MEIS2: variants seen among roughly 807,000 people sequenced by gnomAD.
MEIS2 encodes the protein homeobox protein Meis2.
Under a neutral mutation model 58.6 loss-of-function variants are expected in MEIS2, and 9 were observed. That is an observed-to-expected ratio of 0.15 (90% CI 0.09 to 0.27). The LOEUF (loss-of-function observed/expected upper bound fraction) is 0.27, where lower values mean the gene tolerates loss of function less well. Among genes scored for constraint, MEIS2 ranks in the 10% least tolerant of loss-of-function variants. The pLI is 1.00. For synonymous variants in MEIS2, 221 were observed against 228.4 expected (o/e 0.97, Z 0.29); for missense variants, 427 against 635.0 (o/e 0.67, Z 3.52).
intron 7 of MEIS2, among the ~76,000 whole-genome samples, chr15:37,072,422 T>C (rs1321241082): frequency 2.6e-5 from 4 of 152,094 alleles, no homozygotes; most frequent in South Asian, 4.1e-4. Flanking sequence ...AACAGTGCTC[T>C]ACAGGATTAA....
At chr15:37,096,461 C>A in intron 2 of MEIS2, 31 bp from the exon 3 acceptor site, 1 of 1,605,288 alleles carries the variant, frequency 6.2e-7, no homozygotes, top group Non-Finnish European at 8.5e-7. Flanking sequence ...GAGACACACA[C>A]ACAGAGACGG....
At position 36,890,772 on chromosome 15, in the gene MEIS2, G is replaced by C. The variant is rs190403072; in HGVS notation, c.*1401C>G. On this transcript the variant is annotated 3_prime_UTR_variant, in exon 12 of 12. Coordinates refer to ENST00000561208, the MANE Select transcript of MEIS2 (RefSeq NM_170675.5). Reference sequence around the variant, plus strand: ...TTTTTAACGTCATGCATCTAAAAAGGAGGTTGAGCATGTTCAAGGGGATCT... The same window carrying C: ...TTTTTAACGTCATGCATCTAAAAAGCAGGTTGAGCATGTTCAAGGGGATCT... 6.6e-6 allele frequency: 1 copy of C among 152,262 alleles called. No homozygotes were observed. The highest frequency in any genetic ancestry group is 2.4e-5 in the African/African-American group (1 of 41,548). The allele number at this position is 152,262 out of a possible 1,614,324, so 9.4% of individuals were successfully genotyped here.
chr15:36,908,276 T>G (rs539953652), intron 9 of MEIS2, among the ~76,000 whole-genome samples: 1 of 152,344 alleles, frequency 6.6e-6, no homozygotes, highest in Admixed American at 6.5e-5. Context: ...CCCAAAATTT[T>G]CGGCATCATC....
At chr15:36,980,517 C>T (rs905878052) in intron 8 of MEIS2, among the ~76,000 whole-genome samples, 3 of 152,142 alleles carry the variant, frequency 2.0e-5, no homozygotes, top group African/African-American at 7.2e-5. Flanking sequence ...TAATAACCAT[C>T]AGATCTTGTG....
intron 8 of MEIS2, among the ~76,000 whole-genome samples, chr15:37,018,403 T>G (rs2061420177): frequency 6.6e-6 from 1 of 152,210 alleles, no homozygotes; most frequent in Non-Finnish European, 1.5e-5. Flanking sequence ...AAGACCCACA[T>G]CATCTCATCA....
chr15:36,932,106 G>C (rs1441182993), intron 9 of MEIS2, among the ~76,000 whole-genome samples: 2 of 152,064 alleles, frequency 1.3e-5, no homozygotes, highest in African/African-American at 4.8e-5. Context: ...AGAGATAAAC[G>C]TTAGGAAAAA....
chr15:36,972,801 C>G (rs962688593), intron 8 of MEIS2: 12 of 149,636 alleles, frequency 8.0e-5, no homozygotes, highest in African/African-American at 2.9e-4. Context: ...TAGAGATACA[C>G]TTTTTTTTTT....
chr15:37,101,201 G>A (rs1156993151), upstream of MEIS2: 2 of 152,154 alleles, frequency 1.3e-5, no homozygotes, highest in African/African-American at 2.4e-5. Flanking sequence ...CTCCCTCCAA[G>A]CGGTGCGGAC....
chr15:36,926,505 C>G (rs1567061663), intron 9 of MEIS2, among the ~76,000 whole-genome samples: 1 of 152,108 alleles, frequency 6.6e-6, no homozygotes, highest in Non-Finnish European at 1.5e-5. Context: ...CAGCAGGCAC[C>G]TGTTTTCCAT....
intron 8 of MEIS2, among the ~76,000 whole-genome samples, chr15:36,985,293 C>CCT (rs2060058629): frequency 1.3e-5 from 2 of 152,160 alleles, no homozygotes; most frequent in Admixed American, 6.5e-5. Context: ...TCTACAGGAT[C>CCT]AGTTCTGTTC....
intron 8 of MEIS2, among the ~76,000 whole-genome samples, chr15:36,983,864 C>A (rs778452656): frequency 3.9e-5 from 6 of 151,954 alleles, no homozygotes; most frequent in Admixed American, 2.0e-4. Flanking sequence ...CCTTTGCCTA[C>A]TTGGTTTATT....
intron 9 of MEIS2, among the ~76,000 whole-genome samples, chr15:36,902,297 C>T (rs1233503320): frequency 6.6e-6 from 1 of 152,220 alleles, no homozygotes; most frequent in Non-Finnish European, 1.5e-5. Flanking sequence ...CTGTGTTGTA[C>T]TCCTACAGGT....
intron 10 of MEIS2, among the ~76,000 whole-genome samples, chr15:36,896,411 A>C (rs2056178578): frequency 6.6e-6 from 1 of 152,174 alleles, no homozygotes; most frequent in African/African-American, 2.4e-5. Context: ...TTCAGAAAGA[A>C]AATAAAAAGC....
At chr15:37,071,953 C>G (rs1890766695) in intron 7 of MEIS2, among the ~76,000 whole-genome samples, 1 of 152,032 alleles carries the variant, frequency 6.6e-6, no homozygotes, top group Admixed American at 6.6e-5. Context: ...AAACACATGG[C>G]AGGGAAAAAG....
At chr15:37,015,148 A>C (rs2061304332) in intron 8 of MEIS2, among the ~76,000 whole-genome samples, 1 of 152,252 alleles carries the variant, frequency 6.6e-6, no homozygotes, top group Admixed American at 6.5e-5. Context: ...TACCAAAAGA[A>C]AATTCACGTA....
chr15:37,004,706 A>G (rs2060854436), intron 8 of MEIS2, among the ~76,000 whole-genome samples: 1 of 152,230 alleles, frequency 6.6e-6, no homozygotes, highest in Non-Finnish European at 1.5e-5. Flanking sequence ...TTGGTCAGAC[A>G]AAGCCCAGCA....
chr15:37,015,612 G>T (rs190524201), intron 8 of MEIS2, among the ~76,000 whole-genome samples: 157 of 152,082 alleles, frequency 1.0e-3, no homozygotes, highest in Non-Finnish European at 1.8e-3. Context: ...GGGTGGCAGG[G>T]GGAGCATCTG....
intron 7 of MEIS2, among the ~76,000 whole-genome samples, chr15:37,058,093 A>G (rs767312755): frequency 6.6e-6 from 1 of 152,106 alleles, no homozygotes; most frequent in Non-Finnish European, 1.5e-5. Context: ...TCCTACGAAG[A>G]TCATCGCTAC....
At chr15:36,912,647 A>C (rs1256942854) in intron 9 of MEIS2, among the ~76,000 whole-genome samples, 2 of 152,196 alleles carry the variant, frequency 1.3e-5, no homozygotes, top group Non-Finnish European at 2.9e-5. Flanking sequence ...CCTTGCAATG[A>C]GGCGACATCA....
Sources: allele counts gnomAD v4.1 joint callset (sites outside exome capture counted in the v4.1 genomes callset), GRCh38; gene constraint gnomAD v4.1.1; transcripts MANE v1.5; gene names NCBI Gene and HGNC (gene_info 2026-07-23, HGNC 2026-07-21).